Variants in PTGES3 observed in about 807,000 individuals in gnomAD.
PTGES3 encodes the protein Hsp90 co-chaperone.
A neutral mutation model predicts 29.9 loss-of-function variants in PTGES3; 5 were observed. The observed-to-expected ratio is 0.17, with a 90% CI of 0.09 to 0.35. The LOEUF (loss-of-function observed/expected upper bound fraction) is 0.35, where lower values mean the gene tolerates loss of function less well. PTGES3 is among the 10% of genes least tolerant of loss of function. The pLI is 1.00. For missense variants in PTGES3, 128 were observed against 190.0 expected (o/e 0.67, Z 1.92); for synonymous variants, 49 against 57.8 (o/e 0.85, Z 0.69).
chr12:56,672,859 T>A (rs759118974), intron 2 of PTGES3, 50 bp from the exon 3 acceptor site: 3 of 1,549,930 alleles, frequency 1.9e-6, no homozygotes, highest in East Asian at 2.3e-5. Flanking sequence ...GAGACAAAGA[T>A]TAATAATAAC....
chr12:56,666,966 T>C (rs1260393505), intron 5 of PTGES3, among the ~76,000 whole-genome samples: 1 of 149,710 alleles, frequency 6.7e-6, no homozygotes, highest in Non-Finnish European at 1.5e-5. Flanking sequence ...GTTGCCCAGG[T>C]TGGAGTGCAG....
intron 1 of PTGES3, among the ~76,000 whole-genome samples, chr12:56,675,879 C>T (rs977680649): frequency 3.4e-4 from 51 of 151,986 alleles, no homozygotes; most frequent in African/African-American, 1.0e-3. Flanking sequence ...GCCCAGACCA[C>T]GCCATTGCAC....
rs1042939859 is a variant in PTGES3, at chr12:56,663,744, T to C, written c.*735A>G. 7.2e-5 allele frequency: 11 copies of C among 152,668 alleles called. No individual in the cohort carries two copies. Among genetic ancestry groups the C allele is most frequent in the Non-Finnish European group, 1.6e-4 (11 of 68,040 alleles). The allele number at this position is 152,668 out of a possible 1,614,324, so 9.5% of individuals were successfully genotyped here. ...CAATAGTGTATTAAACATTTTTCAC[T>C]CATTTGCCATACTGACAGTGCAAAT... On this transcript the variant is annotated 3_prime_UTR_variant, in exon 8 of 8. Transcript: ENST00000262033.
At position 56,678,130 on chromosome 12, in the gene PTGES3, G is replaced by A. The variant is rs1028861796; in HGVS notation, c.3-5065C>T. Among the ~76,000 whole-genome samples the A allele has an allele frequency of 3.9e-5, 6 of 152,170 alleles. No homozygotes were observed. In the East Asian group the frequency reaches 7.7e-4, roughly 20 times the overall value. ...AGGAACTACTTTTTTCCTTTCCATAGCAGAACTTTGATGTCTCATTCCTCA... is the reference window on the plus strand; with the variant it reads ...AGGAACTACTTTTTTCCTTTCCATAACAGAACTTTGATGTCTCATTCCTCA... On this transcript the variant is annotated intron_variant, in intron 1 of 7. Transcript: ENST00000262033.
intron 5 of PTGES3, among the ~76,000 whole-genome samples, chr12:56,666,532 A>G (rs528830355): frequency 6.6e-6 from 1 of 152,320 alleles, no homozygotes; most frequent in East Asian, 1.9e-4. Flanking sequence ...TAAAAATTCT[A>G]CTTGAGTAGT....
chr12:56,676,232 C>A (rs59640919), intron 1 of PTGES3, among the ~76,000 whole-genome samples: 93,377 of 129,804 alleles, frequency 0.72, 32,315 homozygotes, highest in South Asian at 0.81. Context: ...TCTCCCCCCC[C>A]AAAAAAAAAA....
chr12:56,671,722 T>G, intron 4 of PTGES3, 27 bp downstream of exon 4: 1 of 1,410,180 alleles, frequency 7.1e-7, no homozygotes, highest in Non-Finnish European at 9.6e-7. Flanking sequence ...AATATCAAAC[T>G]TTTCAAAAAA....
chr12:56,684,166 CCT>C (rs984553752), intron 1 of PTGES3, among the ~76,000 whole-genome samples: 4 of 151,598 alleles, frequency 2.6e-5, no homozygotes, highest in African/African-American at 9.7e-5. Context: ...TTTTTTTTCC[CCT>C]GAAAAGAGAC....
chr12:56,675,390 G>A (rs907663272), intron 1 of PTGES3, among the ~76,000 whole-genome samples: 4 of 151,926 alleles, frequency 2.6e-5, no homozygotes, highest in African/African-American at 9.7e-5. Context: ...ATCAAAACCT[G>A]TGGTTAGGCC....
At chr12:56,685,630 G>A (rs985929991) in intron 1 of PTGES3, among the ~76,000 whole-genome samples, 2 of 151,440 alleles carry the variant, frequency 1.3e-5, no homozygotes, top group Non-Finnish European at 2.9e-5. Context: ...TCGATCTCCT[G>A]ACCTCGTGAT....
intron 1 of PTGES3, chr12:56,687,627 A>C (rs1952941204): frequency 1.8e-6 from 2 of 1,135,346 alleles, no homozygotes; most frequent in Admixed American, 4.8e-5. Context: ...CGGAGCGCCC[A>C]AGCAGCCGAG....
At chr12:56,674,160 CT>C (rs576485172) in intron 1 of PTGES3, among the ~76,000 whole-genome samples, 139 of 152,250 alleles carry the variant, frequency 9.1e-4, no homozygotes, top group African/African-American at 3.3e-3. Flanking sequence ...GAGAAAGTGT[CT>C]TTAAATGACA....
intron 1 of PTGES3, among the ~76,000 whole-genome samples, chr12:56,682,441 AGT>A (rs1467775437): frequency 1.3e-5 from 2 of 152,222 alleles, no homozygotes; most frequent in African/African-American, 4.8e-5. Context: ...GCACACCTGT[AGT>A]CCCAACTACT....
chr12:56,665,791 C>T (rs1208520804), intron 6 of PTGES3: 3 of 672,968 alleles, frequency 4.5e-6, no homozygotes, highest in Non-Finnish European at 3.7e-6. Flanking sequence ...CAGGCACCTG[C>T]CATCATGTCT....
At chr12:56,686,592 G>C (rs1435794833) in intron 1 of PTGES3, among the ~76,000 whole-genome samples, 1 of 151,898 alleles carries the variant, frequency 6.6e-6, no homozygotes, top group Non-Finnish European at 1.5e-5. Context: ...GGTCAGTCTG[G>C]TCTCGAACTC....
intron 1 of PTGES3, chr12:56,686,902 C>G (rs1474972126): frequency 7.6e-6 from 3 of 393,214 alleles, no homozygotes; most frequent in Non-Finnish European, 1.3e-5. Flanking sequence ...CCCCTCTTCT[C>G]TCTTCTGAAT....
chr12:56,665,519 T>C (rs1165914126), intron 6 of PTGES3: 1 of 981,552 alleles, frequency 1.0e-6, no homozygotes, highest in African/African-American at 1.8e-5. Context: ...GGCCTGAAAC[T>C]CTTGACCGCA....
intron 1 of PTGES3, chr12:56,687,440 G>A (rs747316340): frequency 9.1e-6 from 9 of 988,034 alleles, no homozygotes; most frequent in Non-Finnish European, 1.1e-5. Context: ...CCCAGACACT[G>A]GAGAGGGAAG....
At chr12:56,672,551 C>T (rs1315135353) in intron 3 of PTGES3, among the ~76,000 whole-genome samples, 189 bp downstream of exon 3, 1 of 152,032 alleles carries the variant, frequency 6.6e-6, no homozygotes, top group Non-Finnish European at 1.5e-5. Flanking sequence ...ACTCTAAGCC[C>T]AAACAGTGAT....
Sources: gnomAD v4.1 joint callset for allele counts (sites outside exome capture counted in the v4.1 genomes callset) on GRCh38, gnomAD v4.1.1 for gene constraint, MANE v1.5 for transcripts, NCBI Gene and HGNC (gene_info 2026-07-23, HGNC 2026-07-21) for gene names.